Variants in PANK1 observed in about 807,000 individuals in gnomAD.
PANK1 encodes the protein pantothenate kinase 1.
In PANK1, 18 loss-of-function variants were observed where a neutral mutation model predicts 40.1. The observed-to-expected ratio is 0.45, with a 90% CI of 0.31 to 0.67. The LOEUF (loss-of-function observed/expected upper bound fraction) is 0.67, where lower values mean the gene tolerates loss of function less well. PANK1 is among the 30% of genes least tolerant of loss of function. The pLI, the probability that PANK1 is intolerant of heterozygous loss-of-function variation, is 0.06. For synonymous variants in PANK1, 242 were observed against 237.7 expected (o/e 1.02, Z -0.17); for missense variants, 457 against 599.6 (o/e 0.76, Z 2.48).
rs12248267 is a variant in PANK1 at position 89,630,554 on chromosome 10, G to A, written c.292+14046C>T. On this transcript the variant is annotated intron_variant, in intron 1 of 6. Coordinates refer to ENST00000307534, the MANE Select transcript of PANK1 (RefSeq NM_148977.3). ...GTCACCCAGGCTGGAGTGCAGCGGC[G>A]CGATCTTGGTGTACTGCAAGCTCTG... Among the ~76,000 whole-genome samples the A allele has an allele frequency of 6.0e-3, 900 of 150,872 alleles. 13 individuals carry two copies. The highest frequency in any genetic ancestry group is 0.021 in the African/African-American group (850 of 40,826).
At chr10:89,581,191 A>G (rs1000892629), downstream of PANK1, 1 of 152,212 alleles carries the variant, frequency 6.6e-6, no homozygotes, top group Non-Finnish European at 1.5e-5. Context: ...CAGGGGCTGT[A>G]TCCTATGCAT....
At position 89,643,636 on chromosome 10, in the gene PANK1, T is replaced by C. The variant is rs557867189; in HGVS notation, c.292+964A>G. The stretch of plus-strand genomic sequence containing the variant: ...TCCAAAACCTACTTAACAATTTCCC[T>C]ATATCGAACAGCATAACCTCTATGC... On this transcript the variant is annotated intron_variant, in intron 1 of 6. Transcript: ENST00000307534. 3 of 1,287,058 alleles carry C rather than the reference T, an allele frequency of 2.3e-6. No homozygotes were observed. The East Asian group carries it at 7.0e-5, about 30-fold the overall frequency. 79.7% of individuals were successfully genotyped at this position (1,287,058 alleles called of 1,614,324 possible). A position where few individuals can be genotyped will look rare whatever the true frequency, so the allele number is the denominator to read the frequency against.
rs759750104 is a variant in PANK1, at chr10:89,599,426, A to C, written c.725T>G (p.Phe242Cys). 6.2e-7 allele frequency: 1 copy of C among 1,613,946 alleles called. No individual in the cohort carries two copies. The highest frequency in any genetic ancestry group is 8.5e-7 in the Non-Finnish European group (1 of 1,179,800). ...QGLLYVDSVG[F>C]NGKPECYYFE... ...ATAGTAACATTCTGGCTTGCCGTTG[A>C]AGCCAACAGAGTCGACATAAAGCAG... Residue 242 changes from phenylalanine to cysteine, a missense_variant, in exon 3 of 7, where the codon TTC becomes TGC. Phe to Cys is a radical substitution (Grantham distance 205). This residue lies in a region of PANK1 where 286 missense variants were observed against 415.8 expected (regional missense o/e 0.69). Coordinates refer to ENST00000307534, the MANE Select transcript of PANK1 (RefSeq NM_148977.3).
At chr10:89,613,598 T>C (rs1379225104) in intron 1 of PANK1, among the ~76,000 whole-genome samples, 2 of 152,222 alleles carry the variant, frequency 1.3e-5, no homozygotes, top group African/African-American at 4.8e-5. Flanking sequence ...TTCCAGGCCC[T>C]CAAAAGATTA....
chr10:89,636,316 G>GTTATTA (rs140062854), intron 1 of PANK1, among the ~76,000 whole-genome samples: 204 of 64,028 alleles, frequency 3.2e-3, no homozygotes, highest in African/African-American at 7.2e-3. Flanking sequence ...TGCATCCACA[G>GTTATTA]TTATTATTAT....
At chr10:89,595,173 G>A (rs758014393) in intron 3 of PANK1, among the ~76,000 whole-genome samples, 9 of 152,146 alleles carry the variant, frequency 5.9e-5, no homozygotes, top group Non-Finnish European at 1.0e-4. Context: ...GAAACTGACC[G>A]GGCGTGGTGG....
rs1335159943 is a variant in PANK1, at chr10:89,584,212, TC to T, written c.*193del. The T allele has an allele frequency of 5.8e-6, 3 of 516,834 alleles. No individual in the cohort carries two copies. The South Asian group carries it at 1.2e-4, about 20-fold the overall frequency. The allele number at this position is 516,834 out of a possible 1,614,324, so 32.0% of individuals were successfully genotyped here. A position where few individuals can be genotyped will look rare whatever the true frequency, so the allele number is the denominator to read the frequency against. ...TATACAGAAAAAAAACCTTTTATAT[TC>T]CCCCGTTTTGAATCATTAGCTCAAA... On this transcript the variant is annotated 3_prime_UTR_variant, in exon 7 of 7. Coordinates refer to ENST00000307534, the MANE Select transcript of PANK1 (RefSeq NM_148977.3).
At chr10:89,635,390 C>G (rs1353886374) in intron 1 of PANK1, among the ~76,000 whole-genome samples, 1 of 152,124 alleles carries the variant, frequency 6.6e-6, no homozygotes, top group South Asian at 2.1e-4. Flanking sequence ...CATGTGTGCA[C>G]AAGAGAGCAA....
chr10:89,635,323 T>C (rs1841771987), intron 1 of PANK1, among the ~76,000 whole-genome samples: 1 of 152,176 alleles, frequency 6.6e-6, no homozygotes, highest in Non-Finnish European at 1.5e-5. Context: ...GGGCTGCATA[T>C]GGCAAGGACC....
At chr10:89,637,189 G>A (rs1841847793) in intron 1 of PANK1, among the ~76,000 whole-genome samples, 1 of 151,928 alleles carries the variant, frequency 6.6e-6, no homozygotes, top group Non-Finnish European at 1.5e-5. Context: ...CAGGTGGGGT[G>A]AGCAAGAAGC....
At chr10:89,600,591 T>A (rs1383400327) in intron 2 of PANK1, among the ~76,000 whole-genome samples, 2 of 152,200 alleles carry the variant, frequency 1.3e-5, no homozygotes, top group Non-Finnish European at 2.9e-5. Context: ...TTTATTAATG[T>A]CTGGGGTGGT....
chr10:89,588,755 A>G lies in PANK1; in HGVS notation c.1223T>C (p.Val408Ala), dbSNP rs933446979. Residue 408 changes from valine (V) to alanine (A), a missense_variant, in exon 6 of 7, where the codon GTT (valine) becomes GCT (alanine). By Grantham distance (64) the Val-to-Ala change is moderately conservative. Around this residue, in one of 4 missense-constraint regions of PANK1, gnomAD observed 286 missense variants for 415.8 expected, o/e 0.69. Coordinates refer to ENST00000307534, the MANE Select transcript of PANK1 (RefSeq NM_148977.3). ...LNENIDRVVF[V>A]GNFLRINMVS... The stretch of plus-strand genomic sequence containing the variant: ...CATATTGATTCTGAGAAAATTTCCA[A>G]CAAACACAACTCTGTCTATGTTCTG... 6.2e-6 allele frequency: 10 copies of G among 1,600,134 alleles called. No individual in the cohort carries two copies. The highest frequency in any genetic ancestry group is 8.5e-6 in the Non-Finnish European group (10 of 1,173,916).
At chr10:89,627,497 G>A (rs1037342362) in intron 1 of PANK1, among the ~76,000 whole-genome samples, 3 of 152,168 alleles carry the variant, frequency 2.0e-5, no homozygotes, top group East Asian at 3.8e-4. Flanking sequence ...AAGGAAAATC[G>A]TACAGGCTTA....
intron 1 of PANK1, among the ~76,000 whole-genome samples, chr10:89,623,389 T>C (rs1465446756): frequency 6.6e-6 from 1 of 151,054 alleles, no homozygotes; most frequent in Non-Finnish European, 1.5e-5. Flanking sequence ...GCCTGGCTAA[T>C]TTTTTTTTGT....
intron 1 of PANK1, chr10:89,626,106 G>A (rs986344318): frequency 6.6e-6 from 1 of 152,174 alleles, no homozygotes; most frequent in Non-Finnish European, 1.5e-5. Context: ...GTTAAGGAGA[G>A]GAAATGGTAG....
intron 1 of PANK1, chr10:89,643,856 A>G (rs1842032797): frequency 6.6e-7 from 1 of 1,514,898 alleles, no homozygotes; most frequent in Non-Finnish European, 8.8e-7. Context: ...ACCATTATAT[A>G]TACAAGCTTT....
At chr10:89,587,495 AAGAG>A (rs941546994) in intron 6 of PANK1, among the ~76,000 whole-genome samples, 50 of 152,306 alleles carry the variant, frequency 3.3e-4, no homozygotes, top group East Asian at 3.3e-3. Context: ...CACAACGTGA[AAGAG>A]AGAGAGAAAA....
intron 3 of PANK1, 114 bp from the exon 4 acceptor site, chr10:89,594,103 C>A (rs905921545): frequency 2.4e-5 from 17 of 702,144 alleles, no homozygotes; most frequent in Non-Finnish European, 4.2e-5. Context: ...AACAAAGGGG[C>A]ACTTGAATTA....
intron 1 of PANK1, among the ~76,000 whole-genome samples, chr10:89,637,706 T>C (rs1841862288): frequency 6.6e-6 from 1 of 152,198 alleles, no homozygotes; most frequent in Non-Finnish European, 1.5e-5. Context: ...CAAACATTGT[T>C]CACTTAGGCT....
Sources: gnomAD v4.1 joint callset for allele counts (sites outside exome capture counted in the v4.1 genomes callset) on GRCh38, gnomAD v4.1.1 for gene constraint, gnomAD v4.1.1 regional missense constraint, MANE v1.5 for transcripts, NCBI Gene and HGNC (gene_info 2026-07-23, HGNC 2026-07-21) for gene names.